The following ARMCX4 variants were observed in gnomAD, a reference collection of about 807,000 sequenced individuals.
The protein encoded by ARMCX4 is armadillo repeat-containing X-linked protein 4.
A neutral mutation model predicts 34.7 loss-of-function variants in ARMCX4; 3 were observed. The observed-to-expected ratio is 0.09, with a 90% CI of 0.04 to 0.22. The LOEUF (loss-of-function observed/expected upper bound fraction) is 0.22. ARMCX4 is among the 10% of genes least tolerant of loss of function. The pLI is 1.00. For synonymous variants in ARMCX4, 513 were observed against 632.8 expected, an observed-to-expected ratio of 0.81 and a Z score of 2.84; for missense variants, 1,448 against 1,720.8, an observed-to-expected ratio of 0.84 and a Z score of 2.81.
intron 4 of ARMCX4, among the ~76,000 whole-genome samples, chrX:101,453,122 T>C (rs1932082623): frequency 9.0e-6 from 1 of 111,141 alleles, no homozygotes; most frequent in African/African-American, 3.3e-5. Flanking sequence ...CAGACTTTGT[T>C]TAACTGTGGT....
At chrX:101,516,171 A>G (rs17003854) in intron 11 of ARMCX4, among the ~76,000 whole-genome samples, 269 of 111,666 alleles carry the variant, frequency 2.4e-3, no homozygotes, top group African/African-American at 8.5e-3. Flanking sequence ...TATTTGCAAA[A>G]TCAGAAAGCT....
chrX:101,512,773 C>CAT (rs782398658), intron 11 of ARMCX4, among the ~76,000 whole-genome samples: 98 of 102,966 alleles, frequency 9.5e-4, no homozygotes, highest in Non-Finnish European at 1.2e-3. Context: ...TATATACACA[C>CAT]ATATATATAT....
chrX:101,496,031 G>A, downstream of ARMCX4, among the ~76,000 whole-genome samples: 1 of 110,821 alleles, frequency 9.0e-6, no homozygotes, highest in South Asian at 3.8e-4. Flanking sequence ...GGATCAGAAG[G>A]GCACTCAAGA....
At chrX:101,438,954 C>A (rs1434039224) in intron 2 of ARMCX4, among the ~76,000 whole-genome samples, 1 of 111,840 alleles carries the variant, frequency 8.9e-6, no homozygotes, top group Non-Finnish European at 1.9e-5. Flanking sequence ...TTAATTGGAG[C>A]ATTTAGCCCA....
chrX:101,495,145 A>C lies in ARMCX4; in HGVS notation c.6556A>C (p.Met2186Leu). 8.7e-7 allele frequency: 1 copy of C among 1,155,820 alleles called. No individual in the cohort carries two copies. The highest frequency in any genetic ancestry group is 1.1e-6 in the Non-Finnish European group (1 of 872,604). Residue 2186 changes from methionine (M) to leucine (L), a missense_variant, in exon 6 of 6, where the codon ATG (methionine) becomes CTG (leucine). This residue lies in a region of ARMCX4 where 105 missense variants were observed against 180.2 expected (regional missense o/e 0.58). Coordinates refer to ENST00000423738, the MANE Select transcript of ARMCX4 (RefSeq NM_001256155.3). ...SGETKDHVLG[M>L]LLNFSKNPSM... ...AGAAACTAAAGACCATGTTTTGGGAATGCTTTTGAATTTCTCTAAAAATCC... is the reference window on the plus strand; with the variant it reads ...AGAAACTAAAGACCATGTTTTGGGACTGCTTTTGAATTTCTCTAAAAATCC...
In ARMCX4 at chrX:101,491,027, A is replaced by G. The variant is rs1556008796; in HGVS notation, c.2438A>G (p.Asn813Ser). Residue 813 changes from asparagine to serine, a missense_variant, in exon 6 of 6, where the codon AAT becomes AGT. Asn to Ser is a conservative substitution (Grantham distance 46, BLOSUM62 1). This residue lies in a region of ARMCX4 where 1,343 missense variants were observed against 1,540.7 expected (regional missense o/e 0.87). Coordinates refer to ENST00000423738, the MANE Select transcript of ARMCX4 (RefSeq NM_001256155.3). ...AAGAATAAGGTCAGGGGAAATTGGA[A>G]TGCTGTGTCTAAGGCAGGGGCTGGG... Reference protein sequence around the residue: ...GAKNKVRGNWNAVSKAGAGMD... With the variant: ...GAKNKVRGNWSAVSKAGAGMD... 1 of 1,149,513 alleles carries G rather than the reference A, an allele frequency of 8.7e-7. No individual in the cohort carries two copies. The highest frequency in any genetic ancestry group is 1.1e-6 in the Non-Finnish European group (1 of 871,108). The allele number at this position is 1,149,513 out of a possible 1,213,427, so 94.7% of individuals were successfully genotyped here. A position where few individuals can be genotyped will look rare whatever the true frequency, so the allele number is the denominator to read the frequency against.
chrX:101,443,876 A>C (rs1244213093), intron 2 of ARMCX4: 1 of 371,230 alleles, frequency 2.7e-6, no homozygotes, highest in Non-Finnish European at 5.2e-6. Flanking sequence ...AGCATTTTCC[A>C]TGAACAAGAT....
intron 2 of ARMCX4, among the ~76,000 whole-genome samples, chrX:101,435,602 T>A (rs1158692757): frequency 9.0e-6 from 1 of 110,945 alleles, no homozygotes; most frequent in Non-Finnish European, 1.9e-5. Flanking sequence ...CTGTTCACTC[T>A]GATGGTAGTT....
At chrX:101,429,708 G>A (rs1436535328) in intron 2 of ARMCX4, among the ~76,000 whole-genome samples, 2 of 110,878 alleles carry the variant, frequency 1.8e-5, no homozygotes, top group Non-Finnish European at 1.9e-5. Context: ...ACTTAATTTC[G>A]GATGGCTTTC....
intron 2 of ARMCX4, among the ~76,000 whole-genome samples, chrX:101,424,911 A>G (rs782357186): frequency 1.8e-5 from 2 of 112,097 alleles, no homozygotes; most frequent in South Asian, 7.4e-4. Flanking sequence ...AGGTAGTTGG[A>G]TGGATGGATC....
chrX:101,533,833 A>G (rs1935173579), downstream of ARMCX4, among the ~76,000 whole-genome samples: 2 of 111,721 alleles, frequency 1.8e-5, no homozygotes, highest in Non-Finnish European at 3.8e-5. Context: ...TTGTTCTAGA[A>G]GTACTAGTTA....
intron 4 of ARMCX4, among the ~76,000 whole-genome samples, chrX:101,471,075 A>G (rs1394943507): frequency 2.7e-5 from 3 of 112,302 alleles, no homozygotes; most frequent in African/African-American, 9.7e-5. Flanking sequence ...ATTACTGAAG[A>G]TGTTGAGGAC....
rs782613951 is a variant in ARMCX4, at chrX:101,493,142, C to G, written c.4553C>G (p.Thr1518Arg). The G allele has an allele frequency of 8.7e-7, 1 of 1,153,615 alleles. No homozygotes were observed. The highest frequency in any genetic ancestry group is 1.1e-6 in the Non-Finnish European group (1 of 872,235). Reference sequence around the variant, plus strand: ...TTCTGTGTTTGCCCTGGGAGTCAGACGAATGGAGGGTCTTGGGGTGGGGCT... The same window carrying G: ...TTCTGTGTTTGCCCTGGGAGTCAGAGGAATGGAGGGTCTTGGGGTGGGGCT... ...GWFCVCPGSQTNGGSWGGASG... is the reference protein window; with the variant it reads ...GWFCVCPGSQRNGGSWGGASG... Residue 1518 changes from threonine to arginine, a missense_variant, in exon 6 of 6, where the codon ACG becomes AGG. Thr to Arg is a moderately conservative substitution (Grantham distance 71). Around this residue, in one of 2 missense-constraint regions of ARMCX4, gnomAD observed 1,343 missense variants for 1,540.7 expected, o/e 0.87. Coordinates refer to ENST00000423738, the MANE Select transcript of ARMCX4 (RefSeq NM_001256155.3).
chrX:101,469,745 C>G (rs1485412642), intron 4 of ARMCX4, among the ~76,000 whole-genome samples: 1 of 110,939 alleles, frequency 9.0e-6, no homozygotes, highest in Non-Finnish European at 1.9e-5. Flanking sequence ...AGGTGGGACT[C>G]TACTCCAGGG....
chrX:101,448,912 CTTTTTT>C (rs3060590), downstream of ARMCX4, among the ~76,000 whole-genome samples: 1 of 71,820 alleles, frequency 1.4e-5, no homozygotes, highest in Non-Finnish European at 2.5e-5. Flanking sequence ...CTTTTCTTTC[CTTTTTT>C]TTTTTTTTTT....
chrX:101,424,697 CT>C (rs1421674247), intron 2 of ARMCX4, among the ~76,000 whole-genome samples: 1 of 112,069 alleles, frequency 8.9e-6, no homozygotes, highest in Non-Finnish European at 1.9e-5. Flanking sequence ...ATTTTGTTTA[CT>C]CCCCCCTGTA....
At chrX:101,453,576 C>T (rs1932104797) in intron 4 of ARMCX4, among the ~76,000 whole-genome samples, 2 of 111,168 alleles carry the variant, frequency 1.8e-5, no homozygotes, top group South Asian at 7.5e-4. Context: ...TCTTGAAATT[C>T]CCGGGGTACT....
intron 4 of ARMCX4, among the ~76,000 whole-genome samples, chrX:101,468,940 A>G (rs1932843618): frequency 8.9e-6 from 1 of 112,428 alleles, no homozygotes; most frequent in South Asian, 3.6e-4. Context: ...TTCAGTATAT[A>G]GAAAGACAAC....
At position 101,494,269 on chromosome X, in the gene ARMCX4, G is replaced by A. The variant is rs1267044656; in HGVS notation, c.5680G>A (p.Asp1894Asn). ...EDELSRESSP[D>N]IEEISLRSLF... ...TGAGCTAAGTAGAGAGTCCAGCCCT[G>A]ATATTGAGGAGATCAGTTTAAGGTC... The change falls in exon 6 of 6, where the codon GAT becomes AAT. Residue 1894 changes from aspartate (D) to asparagine (N), a missense_variant. This residue lies in a region of ARMCX4 where 1,343 missense variants were observed against 1,540.7 expected (regional missense o/e 0.87). Coordinates refer to ENST00000423738, the MANE Select transcript of ARMCX4 (RefSeq NM_001256155.3). 2 of 1,155,129 alleles carry A rather than the reference G, an allele frequency of 1.7e-6. No individual in the cohort carries two copies. The highest frequency in any genetic ancestry group is 2.3e-6 in the Non-Finnish European group (2 of 872,490).
Sources: gnomAD v4.1 joint callset for allele counts (sites outside exome capture counted in the v4.1 genomes callset) on GRCh38, gnomAD v4.1.1 for gene constraint, gnomAD v4.1.1 regional missense constraint, MANE v1.5 for transcripts, NCBI Gene and HGNC (gene_info 2026-07-23, HGNC 2026-07-21) for gene names.